NAALADL2: variants seen among roughly 807,000 people sequenced by gnomAD.
NAALADL2 encodes the protein inactive N-acetylated-alpha-linked acidic dipeptidase-like protein 2.
NAALADL2 carries 76 observed loss-of-function variants against 87.2 expected under a neutral mutation model. The ratio of observed to expected loss-of-function variants is 0.87; its 90% CI spans 0.72 to 1.05. The LOEUF is 1.05. NAALADL2 is among the 50% of genes least tolerant of loss of function. The probability of loss-of-function intolerance (pLI) is 0.00; values close to 1 mark genes in which losing one functional copy is unlikely to be tolerated. For missense variants in NAALADL2, 1,089 were observed against 945.8 expected (o/e 1.15, Z -1.99); for synonymous variants, 354 against 331.0 (o/e 1.07, Z -0.75).
intron 11 of NAALADL2, among the ~76,000 whole-genome samples, chr3:175,663,459 G>C (rs1012186851): frequency 2.0e-5 from 3 of 151,418 alleles, no homozygotes; most frequent in Non-Finnish European, 4.4e-5. Flanking sequence ...AGTTGTCCTT[G>C]CTAAGAATTT....
chr3:174,482,179 A>G (rs899999154), intron 1 of NAALADL2, among the ~76,000 whole-genome samples: 2 of 152,034 alleles, frequency 1.3e-5, no homozygotes, highest in South Asian at 2.1e-4. Flanking sequence ...TACCCCAGAA[A>G]CTTTATTTCC....
At chr3:174,514,647 T>A (rs1224123093) in intron 1 of NAALADL2, among the ~76,000 whole-genome samples, 2 of 152,118 alleles carry the variant, frequency 1.3e-5, no homozygotes, top group South Asian at 2.1e-4. Flanking sequence ...TTTGGGCTCT[T>A]TTTTCATAGG....
At chr3:174,995,800 GAT>G (rs1336474110) in intron 1 of NAALADL2, among the ~76,000 whole-genome samples, 4 of 147,350 alleles carry the variant, frequency 2.7e-5, no homozygotes, top group Non-Finnish European at 6.0e-5. Flanking sequence ...AAAAAAAAAA[GAT>G]AGTGAAATTA....
chr3:175,506,301 G>GAACA (rs1439255087), intron 9 of NAALADL2, among the ~76,000 whole-genome samples: 1 of 152,154 alleles, frequency 6.6e-6, no homozygotes, highest in Non-Finnish European at 1.5e-5. Flanking sequence ...CATCATCCCT[G>GAACA]AACGTTTAGT....
Position 174,668,131 on chromosome 3 carries a change from C to T in NAALADL2, c.-114-69510C>T, listed in dbSNP as rs145309290. Among the ~76,000 whole-genome samples, 8 of 152,100 alleles carry T rather than the reference C, an allele frequency of 5.3e-5. No individual in the cohort carries two copies. In the East Asian group the frequency reaches 1.4e-3, roughly 26 times the overall value. On this transcript the variant is annotated intron_variant, in intron 2 of 3. Transcript: ENST00000434257. ...TGTAATGATTAGTAATGTTTGGCATCTTTTCATATTCTTGTTGGTTATTTG... is the reference window on the plus strand; with the variant it reads ...TGTAATGATTAGTAATGTTTGGCATTTTTTCATATTCTTGTTGGTTATTTG...
rs201891965 is a variant in NAALADL2 at position 175,324,308 on chromosome 3, C to T, written c.1073C>T (p.Pro358Leu). Residue 358 changes from proline to leucine, a missense_variant, in exon 5 of 14, where the codon CCT becomes CTT. By Grantham distance (98) the Pro-to-Leu change is moderately conservative. Transcript: ENST00000454872. ...SLNPGGDPST[P>L]GYPSVDESFR... ...AATCCAGGAGGAGACCCTTCTACGCCTGGTTACCCAAGTGTCGGTAAGTTT... is the reference window on the plus strand; with the variant it reads ...AATCCAGGAGGAGACCCTTCTACGCTTGGTTACCCAAGTGTCGGTAAGTTT... 14 of 1,611,466 alleles carry T rather than the reference C, an allele frequency of 8.7e-6. No homozygotes were observed. Among genetic ancestry groups the T allele is most frequent in the African/African-American group, 1.3e-5 (1 of 74,752 alleles).
intron 3 of NAALADL2, among the ~76,000 whole-genome samples, chr3:174,844,577 C>G (rs542975120): frequency 6.6e-6 from 1 of 152,160 alleles, no homozygotes; most frequent in Admixed American, 6.5e-5. Context: ...CTGTAGATCT[C>G]TTTGGTTGCA....
At chr3:174,924,387 G>A (rs1003856759) in intron 1 of NAALADL2, among the ~76,000 whole-genome samples, 4 of 151,976 alleles carry the variant, frequency 2.6e-5, no homozygotes, top group East Asian at 1.9e-4. Flanking sequence ...CAAAGGACAC[G>A]AACTCATCCT....
intron 13 of NAALADL2, among the ~76,000 whole-genome samples, chr3:175,766,183 G>C (rs1748658573): frequency 1.3e-5 from 2 of 152,044 alleles, no homozygotes; most frequent in South Asian, 2.1e-4. Context: ...TTATTGTCCT[G>C]AATCAATAAA....
chr3:174,527,600 CT>C (rs1163883797), intron 1 of NAALADL2, among the ~76,000 whole-genome samples: 1 of 151,668 alleles, frequency 6.6e-6, no homozygotes. Context: ...GATGTCTAGA[CT>C]TTTGTCAAAG....
In NAALADL2 at chr3:174,758,428, C is replaced by T. The variant is rs75648409; in HGVS notation, c.-9+20682C>T. Reference sequence around the variant, plus strand: ...TAAATGCTCAGTGATCATTCTCTTTCGTCCCTTAAATGTCATTGTACCCTT... The same window carrying T: ...TAAATGCTCAGTGATCATTCTCTTTTGTCCCTTAAATGTCATTGTACCCTT... On this transcript the variant is annotated intron_variant, in intron 3 of 3. Coordinates refer to the NAALADL2 transcript ENST00000434257. 2.8e-3 allele frequency among the ~76,000 whole-genome samples: 424 copies of T among 152,220 alleles called. 1 individual carries two copies. The highest frequency in any genetic ancestry group is 9.6e-3 in the African/African-American group (400 of 41,530).
chr3:175,304,340 C>A (rs557271035), intron 4 of NAALADL2, among the ~76,000 whole-genome samples: 159 of 152,224 alleles, frequency 1.0e-3, no homozygotes, highest in African/African-American at 3.5e-3. Context: ...TCTTTCTTTT[C>A]CATTATCTTC....
intron 9 of NAALADL2, among the ~76,000 whole-genome samples, chr3:175,529,675 A>T (rs1733851660): frequency 6.6e-6 from 1 of 152,174 alleles, no homozygotes; most frequent in African/African-American, 2.4e-5. Flanking sequence ...TGGTAACAGC[A>T]GTGAATTTCA....
At chr3:175,511,916 A>G (rs1476613022) in intron 9 of NAALADL2, among the ~76,000 whole-genome samples, 1 of 152,164 alleles carries the variant, frequency 6.6e-6, no homozygotes. Context: ...TTATGCTTCA[A>G]TCAATAGTCC....
intron 2 of NAALADL2, among the ~76,000 whole-genome samples, chr3:174,638,692 AAT>A (rs1159018651): frequency 6.6e-6 from 1 of 152,202 alleles, no homozygotes; most frequent in Non-Finnish European, 1.5e-5. Context: ...CAACTATAAA[AAT>A]ATGTTTTTGC....
intron 1 of NAALADL2, among the ~76,000 whole-genome samples, chr3:174,495,255 T>G (rs1179895178): frequency 1.1e-5 from 1 of 89,300 alleles, no homozygotes; most frequent in African/African-American, 4.3e-5. Flanking sequence ...AAGCTTATAT[T>G]AACAAACCAA....
intron 1 of NAALADL2, chr3:174,864,187 A>G (rs889479780): frequency 2.7e-6 from 1 of 377,090 alleles, no homozygotes; most frequent in Non-Finnish European, 5.3e-6. Flanking sequence ...GCAGCAGGCA[A>G]AAGAGATTAG....
intron 1 of NAALADL2, among the ~76,000 whole-genome samples, chr3:174,508,785 C>A (rs985118441): frequency 6.6e-6 from 1 of 152,132 alleles, no homozygotes; most frequent in Non-Finnish European, 1.5e-5. Context: ...CAGTGGCTCA[C>A]GCCTGTAATC....
chr3:174,633,532 A>G (rs571830961), intron 2 of NAALADL2, among the ~76,000 whole-genome samples: 4 of 152,220 alleles, frequency 2.6e-5, no homozygotes, highest in Non-Finnish European at 5.9e-5. Flanking sequence ...AATAAATAAC[A>G]GATAGCTAGA....
Sources: gnomAD v4.1 joint callset for allele counts (sites outside exome capture counted in the v4.1 genomes callset) on GRCh38, gnomAD v4.1.1 for gene constraint, MANE v1.5 for transcripts, NCBI Gene and HGNC (gene_info 2026-07-23, HGNC 2026-07-21) for gene names.